Variants in RAD51B observed in about 807,000 individuals in gnomAD.
RAD51B encodes RAD51 paralog B.
RAD51B carries 38 observed loss-of-function variants against 42.2 expected under a neutral mutation model. That is an observed-to-expected ratio of 0.90 (90% confidence interval 0.70 to 1.18). The LOEUF (loss-of-function observed/expected upper bound fraction) is 1.18. Ranked by LOEUF, RAD51B falls within the 50% of genes most tolerant of loss-of-function variation. The pLI, the probability that RAD51B is intolerant of heterozygous loss-of-function variation, is 0.00. For missense variants in RAD51B, 373 were observed against 400.7 expected (o/e 0.93, Z 0.59); for synonymous variants, 154 against 145.2 (o/e 1.06, Z -0.43).
chr14:68,626,807 C>A (rs1892093399), intron 10 of RAD51B, among the ~76,000 whole-genome samples: 1 of 152,144 alleles, frequency 6.6e-6, no homozygotes, highest in Non-Finnish European at 1.5e-5. Flanking sequence ...ATAGGTAGAC[C>A]AGATTTAAGA....
intron 10 of RAD51B, among the ~76,000 whole-genome samples, chr14:68,570,985 C>T (rs1462259126): frequency 6.6e-6 from 1 of 152,198 alleles, no homozygotes; most frequent in Non-Finnish European, 1.5e-5. Context: ...AAACCGCTCA[C>T]ACATACAGCA....
At chr14:68,367,256 A>G (rs936601576) in intron 8 of RAD51B, among the ~76,000 whole-genome samples, 2 of 152,234 alleles carry the variant, frequency 1.3e-5, no homozygotes, top group African/African-American at 2.4e-5. Context: ...TGACAGTGAT[A>G]TGTTTTCAAA....
chr14:68,325,930 G>A (rs1339293301), intron 8 of RAD51B, among the ~76,000 whole-genome samples: 1 of 151,736 alleles, frequency 6.6e-6, no homozygotes, highest in Non-Finnish European at 1.5e-5. Context: ...TCTGGGGAAT[G>A]GAAAAATGGT....
rs112342280 is a variant in RAD51B, at chr14:67,821,836, C to G, written c.-2-1706C>G. Among the ~76,000 whole-genome samples the G allele has an allele frequency of 8.7e-4, 132 of 152,040 alleles. 1 individual carries two copies. Among genetic ancestry groups the G allele is most frequent in the African/African-American group, 3.1e-3 (127 of 41,464 alleles). ...GTCTAAATGGTGTCATTACTTGAAA[C>G]TACCTGATCTGAAAAGACACTAGGC... On this transcript the variant is annotated intron_variant, in intron 1 of 10. Coordinates refer to ENST00000471583, the MANE Select transcript of RAD51B (RefSeq NM_133510.4).
intron 7 of RAD51B, among the ~76,000 whole-genome samples, chr14:68,084,847 T>C (rs576497341): frequency 6.6e-6 from 1 of 152,078 alleles, no homozygotes; most frequent in Non-Finnish European, 1.5e-5. Context: ...TATGGCAGTA[T>C]GTTAAAAAAA....
intron 8 of RAD51B, among the ~76,000 whole-genome samples, chr14:68,402,065 G>A (rs1467378410): frequency 6.6e-6 from 1 of 152,092 alleles, no homozygotes; most frequent in Admixed American, 6.5e-5. Context: ...AAATACAGCT[G>A]GTTCACAGAT....
At chr14:68,291,785 T>C (rs2081520951) in intron 7 of RAD51B, 99 bp from the exon 8 acceptor site, 7 of 918,600 alleles carry the variant, frequency 7.6e-6, no homozygotes, top group Non-Finnish European at 1.2e-5. Context: ...AGTCTTCTCC[T>C]AAACCATAGT....
At chr14:68,621,022 G>C (rs901557126) in intron 10 of RAD51B, among the ~76,000 whole-genome samples, 2 of 152,202 alleles carry the variant, frequency 1.3e-5, no homozygotes, top group African/African-American at 4.8e-5. Flanking sequence ...GGAGGGGACG[G>C]GGCAAGGCCC....
At chr14:68,587,622 C>T (rs369758697) in intron 10 of RAD51B, among the ~76,000 whole-genome samples, 21 of 152,146 alleles carry the variant, frequency 1.4e-4, no homozygotes, top group South Asian at 4.2e-4. Flanking sequence ...ATCCATCCCC[C>T]CCGAGATCCA....
intron 10 of RAD51B, among the ~76,000 whole-genome samples, chr14:68,560,200 C>T (rs1223325950): frequency 2.0e-5 from 3 of 152,100 alleles, no homozygotes; most frequent in Non-Finnish European, 2.9e-5. Flanking sequence ...CGATTTTTCA[C>T]GGAGGTCTTG....
At chr14:68,466,920 A>C (rs1379621898) in intron 9 of RAD51B, among the ~76,000 whole-genome samples, 1 of 152,238 alleles carries the variant, frequency 6.6e-6, no homozygotes, top group Admixed American at 6.5e-5. Context: ...TGATCTTTTC[A>C]TCACATTTTC....
chr14:68,538,173 G>A (rs1291027976), intron 10 of RAD51B, among the ~76,000 whole-genome samples: 1 of 152,206 alleles, frequency 6.6e-6, no homozygotes, highest in Non-Finnish European at 1.5e-5. Context: ...CCTGTCAAAT[G>A]TCACCAAGTC....
At chr14:68,637,674 T>C (rs957647999) in intron 10 of RAD51B, among the ~76,000 whole-genome samples, 1 of 152,132 alleles carries the variant, frequency 6.6e-6, no homozygotes, top group Non-Finnish European at 1.5e-5. Flanking sequence ...GAGACAATTG[T>C]GGTAGTCAAG....
chr14:68,030,834 CTTCCT>C (rs2076029829), intron 7 of RAD51B, among the ~76,000 whole-genome samples: 1 of 152,182 alleles, frequency 6.6e-6, no homozygotes, highest in Non-Finnish European at 1.5e-5. Context: ...ACATGCAACT[CTTCCT>C]TTAACGTGAA....
chr14:68,079,994 G>C (rs1416110544), intron 7 of RAD51B, among the ~76,000 whole-genome samples: 2 of 152,186 alleles, frequency 1.3e-5, no homozygotes. Flanking sequence ...GTAGTTATCA[G>C]ATAGTTCACA....
At chr14:68,137,729 C>T (rs2078040013) in intron 7 of RAD51B, among the ~76,000 whole-genome samples, 1 of 152,212 alleles carries the variant, frequency 6.6e-6, no homozygotes, top group South Asian at 2.1e-4. Context: ...TGAGGGTTTT[C>T]TGAGAAGGTG....
intron 10 of RAD51B, among the ~76,000 whole-genome samples, chr14:68,542,781 C>G (rs2842332): frequency 0.94 from 142,689 of 152,254 alleles, 67,456 homozygotes; most frequent in Non-Finnish European, 1. Flanking sequence ...CATCCTATTT[C>G]GAGACCAGAT....
intron 11 of RAD51B, among the ~76,000 whole-genome samples, chr14:68,668,720 G>A (rs1394880883): frequency 6.6e-6 from 1 of 152,238 alleles, no homozygotes; most frequent in Non-Finnish European, 1.5e-5. Context: ...ATGGCGGGCT[G>A]TTCTCCTGCA....
chr14:67,904,548 G>A (rs369875160), intron 7 of RAD51B, among the ~76,000 whole-genome samples: 2 of 122,466 alleles, frequency 1.6e-5, no homozygotes, highest in South Asian at 2.5e-4. Context: ...GTCTTGCTCT[G>A]TTGCCAGGCT....
Sources: allele counts gnomAD v4.1 joint callset (sites outside exome capture counted in the v4.1 genomes callset), GRCh38; gene constraint gnomAD v4.1.1; transcripts MANE v1.5; gene names NCBI Gene and HGNC (gene_info 2026-07-23, HGNC 2026-07-21).